ADCY1: variants seen among roughly 807,000 people sequenced by gnomAD.
ADCY1 encodes the protein adenylate cyclase 1.
Under a neutral mutation model 105.4 loss-of-function variants are expected in ADCY1, and 28 were observed. The ratio of observed to expected loss-of-function variants is 0.27; its 90% CI spans 0.20 to 0.36. The LOEUF (loss-of-function observed/expected upper bound fraction) is 0.36. Ranked by LOEUF, ADCY1 falls within the 10% of genes least tolerant of loss-of-function variation. The pLI, the probability that ADCY1 is intolerant of heterozygous loss-of-function variation, is 1.00. For synonymous variants in ADCY1, 655 were observed against 623.8 expected (o/e 1.05, Z -0.75); for missense variants, 977 against 1,434.2 (o/e 0.68, Z 5.15).
intron 2 of ADCY1, among the ~76,000 whole-genome samples, chr7:45,605,721 A>G (rs543276033): frequency 3.3e-5 from 5 of 152,150 alleles, no homozygotes; most frequent in East Asian, 1.9e-4. Flanking sequence ...TTTTATATCT[A>G]TGTTTCTAAA....
Position 45,687,647 on chromosome 7 carries a change from A to T in ADCY1, c.2454+974A>T, listed in dbSNP as rs116849035. 4.7e-3 allele frequency among the ~76,000 whole-genome samples: 720 copies of T among 152,336 alleles called. 6 individuals carry two copies. Among genetic ancestry groups the T allele is most frequent in the South Asian group, 7.7e-3 (37 of 4,828 alleles). On this transcript the variant is annotated intron_variant, in intron 14 of 19. Coordinates refer to ENST00000297323, the MANE Select transcript of ADCY1 (RefSeq NM_021116.4). ...AGTCTTCTTATTTTGACACCTTAAG[A>T]ATAGCTCTTCGCTGTTGGAGCTATT...
intron 2 of ADCY1, among the ~76,000 whole-genome samples, chr7:45,601,268 C>A (rs184428154): frequency 1.6e-4 from 24 of 152,264 alleles, no homozygotes; most frequent in Admixed American, 9.8e-4. Context: ...CTTACTTGAA[C>A]TGCATGTGGC....
intron 2 of ADCY1, among the ~76,000 whole-genome samples, chr7:45,597,516 A>G (rs1793109803): frequency 6.6e-6 from 1 of 151,056 alleles, no homozygotes; most frequent in Non-Finnish European, 1.5e-5. Context: ...CTCTGTGCCT[A>G]CTTACTGCTA....
At chr7:45,614,906 A>C (rs186707175) in intron 3 of ADCY1, among the ~76,000 whole-genome samples, 1 of 152,208 alleles carries the variant, frequency 6.6e-6, no homozygotes, top group African/African-American at 2.4e-5. Context: ...TGTAAAAAGA[A>C]ATAGACCACA....
rs1223881912 is a variant in ADCY1 at position 45,648,733 on chromosome 7, C to T, written c.1084C>T (p.Gln362Ter). Reference protein sequence around the residue: ...DCYYCVSGLTQPKTDHAHCCV... With the variant: ...DCYYCVSGLT Reference sequence around the variant, plus strand: ...CTACTACTGCGTGTCGGGCCTCACCCAGCCCAAGACTGACCATGCCCACTG... The same window carrying T: ...CTACTACTGCGTGTCGGGCCTCACCTAGCCCAAGACTGACCATGCCCACTG... The change falls in exon 5 of 20, where the codon CAG becomes TAG. Residue 362 changes from glutamine (Q) to a stop codon, truncating the protein, a stop_gained. Transcript: ENST00000297323. LOFTEE classifies it high-confidence loss of function. 1 of 1,614,194 alleles carries T rather than the reference C, an allele frequency of 6.2e-7. No homozygotes were observed. The highest frequency in any genetic ancestry group is 1.7e-5 in the Admixed American group (1 of 60,026).
intron 10 of ADCY1, among the ~76,000 whole-genome samples, chr7:45,679,266 A>G (rs1784514889): frequency 1.3e-5 from 2 of 152,228 alleles, no homozygotes; most frequent in South Asian, 4.1e-4. Flanking sequence ...CAGCCCACAG[A>G]CACTGAACAC....
At chr7:45,696,908 C>T (rs950827906) in intron 14 of ADCY1, among the ~76,000 whole-genome samples, 1 of 152,120 alleles carries the variant, frequency 6.6e-6, no homozygotes, top group African/African-American at 2.4e-5. Flanking sequence ...GCCATGAAGG[C>T]CCTGGGCAGG....
intron 19 of ADCY1, among the ~76,000 whole-genome samples, chr7:45,712,571 T>C (rs1470310284): frequency 9.9e-5 from 15 of 152,074 alleles, no homozygotes; most frequent in Admixed American, 8.5e-4. Context: ...CTCCCCTGCT[T>C]GGGCTTCCTA....
chr7:45,700,532 AAG>A (rs1217563564), intron 14 of ADCY1, among the ~76,000 whole-genome samples: 1 of 152,182 alleles, frequency 6.6e-6, no homozygotes, highest in African/African-American at 2.4e-5. Context: ...GATGCCCGCA[AAG>A]AGGGGTGTGT....
intron 2 of ADCY1, among the ~76,000 whole-genome samples, chr7:45,600,856 A>G (rs1793210810): frequency 6.6e-6 from 1 of 151,974 alleles, no homozygotes; most frequent in Non-Finnish European, 1.5e-5. Flanking sequence ...TTAGGAGGAG[A>G]AGAGGAATGC....
In ADCY1 at chr7:45,684,851, G is replaced by T. The variant is rs1045380568; in HGVS notation, c.1984-128G>T. ...AAAAGCCAAGAGACATGTGAGGAGG[G>T]TGAAAAACGGATGTGGACCTAGCAG... is the stretch of plus-strand genomic sequence containing the variant. On this transcript the variant is annotated intron_variant, in intron 11 of 19. Transcript: ENST00000297323. The T allele has an allele frequency of 1.1e-5, 8 of 743,512 alleles. No homozygotes were observed. The African/African-American group carries it at 1.4e-4, about 13-fold the overall frequency. 46.1% of individuals were successfully genotyped at this position (743,512 alleles called of 1,614,324 possible). A position where few individuals can be genotyped will look rare whatever the true frequency, so the allele number is the denominator to read the frequency against.
chr7:45,652,765 C>T (rs1057262599), intron 5 of ADCY1, among the ~76,000 whole-genome samples: 1 of 152,152 alleles, frequency 6.6e-6, no homozygotes, highest in Non-Finnish European at 1.5e-5. Flanking sequence ...CAGGGTGGGG[C>T]ATCTCTTTGT....
chr7:45,600,644 A>C (rs568375685), intron 2 of ADCY1, among the ~76,000 whole-genome samples: 5 of 152,358 alleles, frequency 3.3e-5, no homozygotes, highest in African/African-American at 1.2e-4. Context: ...TGTGTAACAG[A>C]GACTGGGTGG....
At chr7:45,578,613 C>T (rs1792421769) in intron 1 of ADCY1, among the ~76,000 whole-genome samples, 1 of 152,186 alleles carries the variant, frequency 6.6e-6, no homozygotes, top group Non-Finnish European at 1.5e-5. Context: ...CTTGTGATGC[C>T]ACTCACAGAC....
At chr7:45,642,738 G>A (rs749233200) in intron 4 of ADCY1, among the ~76,000 whole-genome samples, 3 of 152,126 alleles carry the variant, frequency 2.0e-5, no homozygotes, top group East Asian at 1.9e-4. Flanking sequence ...AGTGAGACCC[G>A]TCCATCAATG....
intron 5 of ADCY1, among the ~76,000 whole-genome samples, chr7:45,656,624 C>T (rs1794951953): frequency 6.6e-6 from 1 of 152,022 alleles, no homozygotes; most frequent in Non-Finnish European, 1.5e-5. Flanking sequence ...CTCCCTGAGC[C>T]TTGGCTGGGG....
chr7:45,702,714 T>G (rs751540962), intron 14 of ADCY1, among the ~76,000 whole-genome samples: 25 of 152,314 alleles, frequency 1.6e-4, no homozygotes, highest in Middle Eastern at 3.4e-3. Flanking sequence ...CAGCTAGCAG[T>G]AAGCAGGCTG....
chr7:45,702,149 C>T (rs997124640), intron 14 of ADCY1, among the ~76,000 whole-genome samples: 1 of 152,226 alleles, frequency 6.6e-6, no homozygotes, highest in Non-Finnish European at 1.5e-5. Context: ...GGTGGAATCA[C>T]TGTGTGCAGT....
At position 45,722,857 on chromosome 7, in the gene ADCY1, TGATA is replaced by T. The variant is rs1453091888; in HGVS notation, c.*8866_*8869del. 6.6e-6 allele frequency: 1 copy of T among 152,670 alleles called. No individual in the cohort carries two copies. Among genetic ancestry groups the T allele is most frequent in the Non-Finnish European group, 1.5e-5 (1 of 68,040 alleles). The allele number at this position is 152,670 out of a possible 1,614,324, so 9.5% of individuals were successfully genotyped here. A position where few individuals can be genotyped will look rare whatever the true frequency, so the allele number is the denominator to read the frequency against. ...CTCACTCTCACTGGGTAACTTCTCA[TGATA>T]GATTTGTATGATCAATACGGGTCTA... On this transcript the variant is annotated 3_prime_UTR_variant, in exon 20 of 20. Coordinates refer to ENST00000297323, the MANE Select transcript of ADCY1 (RefSeq NM_021116.4).
Sources: gnomAD v4.1 joint callset for allele counts (sites outside exome capture counted in the v4.1 genomes callset) on GRCh38, gnomAD v4.1.1 for gene constraint, MANE v1.5 for transcripts, NCBI Gene and HGNC (gene_info 2026-07-23, HGNC 2026-07-21) for gene names.